The following PARM1 variants were observed in gnomAD, a reference collection of about 807,000 sequenced individuals.
PARM1 encodes the protein WSC4, cell wall integrity and stress response component 4 homolog.
In PARM1, 14 loss-of-function variants were observed where a neutral mutation model predicts 24.6. The observed-to-expected ratio is 0.57, with a 90% CI of 0.38 to 0.89. PARM1 has a LOEUF of 0.89. Among genes scored for constraint, PARM1 ranks in the 40% least tolerant of loss-of-function variants. The pLI is 0.00. For missense variants in PARM1, 362 were observed against 380.4 expected, an observed-to-expected ratio of 0.95 and a Z score of 0.40; for synonymous variants, 179 against 156.6, an observed-to-expected ratio of 1.14 and a Z score of -1.07.
At chr4:75,026,041 T>C (rs1481529428) in intron 2 of PARM1, among the ~76,000 whole-genome samples, 1 of 151,972 alleles carries the variant, frequency 6.6e-6, no homozygotes, top group Non-Finnish European at 1.5e-5. Flanking sequence ...GAGAGAGGAG[T>C]AATGGGGAAA....
chr4:74,933,256 G>C lies in PARM1; in HGVS notation c.-72G>C. 1.5e-6 allele frequency: 2 copies of C among 1,369,016 alleles called. No homozygotes were observed. The highest frequency in any genetic ancestry group is 2.1e-6 in the Non-Finnish European group (2 of 964,870). The allele number at this position is 1,369,016 out of a possible 1,614,324, so 84.8% of individuals were successfully genotyped here. A position where few individuals can be genotyped will look rare whatever the true frequency, so the allele number is the denominator to read the frequency against. On this transcript the variant is annotated 5_prime_UTR_variant, in exon 1 of 4. Coordinates refer to ENST00000307428, the MANE Select transcript of PARM1 (RefSeq NM_015393.4). The stretch of plus-strand genomic sequence containing the variant: ...ACCCGGCAGAGGAGTCGCTACCAGC[G>C]CCCAGTGCGCTCTGTCAGTCCGCAA...
At chr4:74,998,259 G>A (rs1288285582) in intron 1 of PARM1, among the ~76,000 whole-genome samples, 7 of 152,204 alleles carry the variant, frequency 4.6e-5, no homozygotes, top group Admixed American at 3.9e-4. Flanking sequence ...ATGTGGCTGT[G>A]TGTACCCAAG....
chr4:74,999,070 A>G (rs1722630322), intron 1 of PARM1: 2 of 152,246 alleles, frequency 1.3e-5, no homozygotes, highest in African/African-American at 4.8e-5. Context: ...TTACCTAAAG[A>G]CCCACAAAGC....
At chr4:75,006,797 T>A (rs1722777271) in intron 1 of PARM1, among the ~76,000 whole-genome samples, 1 of 152,116 alleles carries the variant, frequency 6.6e-6, no homozygotes, top group African/African-American at 2.4e-5. Context: ...GCAATACCAT[T>A]CAGGACATAG....
At chr4:74,963,075 G>T (rs946881147) in intron 1 of PARM1, among the ~76,000 whole-genome samples, 1 of 152,116 alleles carries the variant, frequency 6.6e-6, no homozygotes, top group Admixed American at 6.6e-5. Flanking sequence ...ATCCTGTCAC[G>T]CTGTGAAGAA....
chr4:75,036,159 A>G (rs1312364748), intron 3 of PARM1, among the ~76,000 whole-genome samples: 2 of 152,226 alleles, frequency 1.3e-5, no homozygotes. Context: ...AGGCTACATT[A>G]TCAAAAATAC....
At chr4:74,999,612 C>T (rs1297166216) in intron 1 of PARM1, among the ~76,000 whole-genome samples, 1 of 152,178 alleles carries the variant, frequency 6.6e-6, no homozygotes, top group East Asian at 1.9e-4. Flanking sequence ...ACACAGCAGG[C>T]ACTCTATACA....
intron 1 of PARM1, among the ~76,000 whole-genome samples, chr4:74,971,320 A>G (rs1722033009): frequency 6.6e-6 from 1 of 152,184 alleles, no homozygotes; most frequent in Admixed American, 6.5e-5. Context: ...TCTCATGAGA[A>G]CAGCACGGGA....
chr4:75,011,282 G>A (rs1334949947), intron 1 of PARM1, among the ~76,000 whole-genome samples: 2 of 152,308 alleles, frequency 1.3e-5, no homozygotes, highest in Admixed American at 6.5e-5. Flanking sequence ...AATAATAGGG[G>A]AGATAGTGAC....
chr4:75,033,906 A>G lies in PARM1; in HGVS notation c.793A>G (p.Thr265Ala). 6.2e-7 allele frequency: 1 copy of G among 1,604,580 alleles called. No individual in the cohort carries two copies. Among genetic ancestry groups the G allele is most frequent in the South Asian group, 1.1e-5 (1 of 88,540 alleles). The change falls in exon 3 of 4, where the codon ACA (threonine) becomes GCA (alanine). Residue 265 changes from threonine to alanine, a missense_variant. Coordinates refer to ENST00000307428, the MANE Select transcript of PARM1 (RefSeq NM_015393.4). The part of the protein sequence containing the change: ...SSGSIAAITV[T>A]VIAVVLLVFG... ...AGGCAGCATCGCCGCCATTACCGTGACAGTCATTGCCGTGGTGCTGCTGGT... is the reference window on the plus strand; with the variant it reads ...AGGCAGCATCGCCGCCATTACCGTGGCAGTCATTGCCGTGGTGCTGCTGGT...
Position 75,014,096 on chromosome 4 carries a change from A to G in PARM1, c.769+946A>G, listed in dbSNP as rs187219062. 2.0e-5 allele frequency among the ~76,000 whole-genome samples: 3 copies of G among 152,328 alleles called. No homozygotes were observed. In the East Asian group the frequency reaches 5.8e-4, roughly 29 times the overall value. On this transcript the variant is annotated intron_variant, in intron 2 of 3. Coordinates refer to ENST00000307428, the MANE Select transcript of PARM1 (RefSeq NM_015393.4). The stretch of plus-strand genomic sequence containing the variant: ...GGTGAAGACTGAGAAGGTCATTTCC[A>G]GACAGAACCCTGCATGGTCAGTTGG...
At chr4:75,007,127 C>T (rs1294013357) in intron 1 of PARM1, among the ~76,000 whole-genome samples, 1 of 152,164 alleles carries the variant, frequency 6.6e-6, no homozygotes, top group African/African-American at 2.4e-5. Context: ...GGAAAAAATG[C>T]TCATCATCAC....
rs368660710 is a variant in PARM1, at chr4:74,994,691, C to T, written c.44-17734C>T. Among the ~76,000 whole-genome samples the T allele has an allele frequency of 5.0e-4, 76 of 151,934 alleles. 2 individuals are homozygous for T. The Middle Eastern group carries it at 0.017, about 34-fold the overall frequency. The stretch of plus-strand genomic sequence containing the variant: ...AAGTGTGGTGGCATATGCCTACAGT[C>T]CTGAGGCAGGAGAATTGCTTGAACC... On this transcript the variant is annotated intron_variant, in intron 1 of 3. Transcript: ENST00000307428.
intron 1 of PARM1, among the ~76,000 whole-genome samples, chr4:74,936,718 G>A (rs1721200871): frequency 6.6e-6 from 1 of 152,012 alleles, no homozygotes; most frequent in Non-Finnish European, 1.5e-5. Context: ...GACTCCCAAA[G>A]TGCTAGGATT....
intron 1 of PARM1, among the ~76,000 whole-genome samples, chr4:74,955,662 C>T (rs1461777714): frequency 1.3e-5 from 2 of 152,080 alleles, no homozygotes; most frequent in East Asian, 1.9e-4. Context: ...TTTTTGTGGC[C>T]GTAGCTTCCA....
intron 2 of PARM1, among the ~76,000 whole-genome samples, chr4:75,021,842 CT>C (rs1723094209): frequency 6.6e-6 from 1 of 152,168 alleles, no homozygotes; most frequent in African/African-American, 2.4e-5. Flanking sequence ...ACCACATTTT[CT>C]TTATCTAATC....
intron 3 of PARM1, among the ~76,000 whole-genome samples, chr4:75,034,317 G>A (rs935169804): frequency 2.0e-5 from 3 of 152,152 alleles, no homozygotes; most frequent in Non-Finnish European, 4.4e-5. Flanking sequence ...TCTGTGAAAG[G>A]GGGTAGAAGG....
At chr4:74,963,035 T>C (rs574031212) in intron 1 of PARM1, among the ~76,000 whole-genome samples, 1 of 152,180 alleles carries the variant, frequency 6.6e-6, no homozygotes, top group Admixed American at 6.5e-5. Context: ...TTTATAAGCG[T>C]CTGGCATTTT....
intron 1 of PARM1, among the ~76,000 whole-genome samples, chr4:74,993,650 A>G (rs191453516): frequency 6.6e-6 from 1 of 152,300 alleles, no homozygotes; most frequent in East Asian, 1.9e-4. Flanking sequence ...GTTTCAGGTA[A>G]AAAGAATAAC....
Sources: gnomAD v4.1 joint callset for allele counts (sites outside exome capture counted in the v4.1 genomes callset) on GRCh38, gnomAD v4.1.1 for gene constraint, MANE v1.5 for transcripts, NCBI Gene and HGNC (gene_info 2026-07-23, HGNC 2026-07-21) for gene names.